LMNTD1: variants seen among roughly 807,000 people sequenced by gnomAD.
LMNTD1 encodes lamin tail domain-containing protein 1.
In LMNTD1, 35 loss-of-function variants were observed where a neutral mutation model predicts 50.9. The ratio of observed to expected loss-of-function variants is 0.69; its 90% CI spans 0.53 to 0.91. The LOEUF (loss-of-function observed/expected upper bound fraction) is 0.91, where lower values mean the gene tolerates loss of function less well. LMNTD1 is among the 40% of genes least tolerant of loss of function. The pLI, the probability that LMNTD1 is intolerant of heterozygous loss-of-function variation, is 0.00. For missense variants in LMNTD1, 470 were observed against 475.5 expected (o/e 0.99, Z 0.11); for synonymous variants, 153 against 161.9 (o/e 0.94, Z 0.42).
chr12:25,550,490 G>T (rs1943684499), intron 2 of LMNTD1, among the ~76,000 whole-genome samples: 2 of 152,120 alleles, frequency 1.3e-5, no homozygotes, highest in African/African-American at 4.8e-5. Flanking sequence ...TGAGACAAAT[G>T]GCCAGTTCAG....
intron 9 of LMNTD1, among the ~76,000 whole-genome samples, chr12:25,492,837 A>AG (rs1341370003): frequency 2.0e-5 from 3 of 152,310 alleles, no homozygotes; most frequent in Admixed American, 6.5e-5. Context: ...AACTTATGGG[A>AG]GCATGTTCAA....
intron 1 of LMNTD1, among the ~76,000 whole-genome samples, chr12:25,630,982 C>T (rs1485897827): frequency 6.6e-6 from 1 of 152,180 alleles, no homozygotes; most frequent in East Asian, 1.9e-4. Context: ...GGGAGTGAGA[C>T]CAGCCCTTCA....
chr12:25,619,217 ACTCTCTCT>A (rs143233739), intron 1 of LMNTD1, among the ~76,000 whole-genome samples: 7,498 of 120,012 alleles, frequency 0.062, 355 homozygotes, highest in African/African-American at 0.097. Flanking sequence ...ATGCTTTTCA[ACTCTCTCT>A]CTCTCTCTCT....
At chr12:25,601,414 T>C (rs898008553) in intron 1 of LMNTD1, among the ~76,000 whole-genome samples, 4 of 151,914 alleles carry the variant, frequency 2.6e-5, no homozygotes, top group African/African-American at 9.7e-5. Flanking sequence ...ATGGGGTGAC[T>C]ATAGTCAATA....
At chr12:25,642,401 T>G (rs1946974239) in intron 1 of LMNTD1, among the ~76,000 whole-genome samples, 1 of 152,150 alleles carries the variant, frequency 6.6e-6, no homozygotes, top group African/African-American at 2.4e-5. Context: ...GAGGATCTCA[T>G]GAGAAGACAG....
intron 9 of LMNTD1, among the ~76,000 whole-genome samples, chr12:25,501,206 C>G (rs1824925): frequency 0.26 from 39,621 of 151,876 alleles, 5,405 homozygotes; most frequent in Middle Eastern, 0.34. Context: ...GACCAGGCTG[C>G]CTTTGAACTC....
At chr12:25,592,020 C>T (rs1286543671) in intron 1 of LMNTD1, among the ~76,000 whole-genome samples, 6 of 152,148 alleles carry the variant, frequency 3.9e-5, no homozygotes, top group African/African-American at 1.4e-4. Flanking sequence ...GCAGATACAA[C>T]TTAAATTATA....
intron 1 of LMNTD1, among the ~76,000 whole-genome samples, chr12:25,564,629 A>G (rs1944478109): frequency 6.6e-6 from 1 of 152,024 alleles, no homozygotes; most frequent in African/African-American, 2.4e-5. Flanking sequence ...ATGTTTTAAG[A>G]TTTGTTTTGT....
At chr12:25,487,526 G>A (rs1264923339) in intron 9 of LMNTD1, among the ~76,000 whole-genome samples, 2 of 143,158 alleles carry the variant, frequency 1.4e-5, no homozygotes, top group Non-Finnish European at 3.0e-5. Flanking sequence ...GCATATGTGT[G>A]TCTCTGCACG....
chr12:25,523,721 A>T (rs1221791206), intron 6 of LMNTD1, among the ~76,000 whole-genome samples: 1 of 151,872 alleles, frequency 6.6e-6, no homozygotes, highest in Non-Finnish European at 1.5e-5. Flanking sequence ...TTAAAGTCAC[A>T]TTTCCACCTA....
intron 1 of LMNTD1, among the ~76,000 whole-genome samples, chr12:25,621,945 G>A (rs964969623): frequency 1.1e-4 from 16 of 152,234 alleles, no homozygotes; most frequent in African/African-American, 2.7e-4. Flanking sequence ...CCTGGCTGCT[G>A]TTAGAACAAT....
intron 1 of LMNTD1, among the ~76,000 whole-genome samples, chr12:25,579,386 A>G (rs1394866477): frequency 1.3e-5 from 2 of 152,262 alleles, no homozygotes; most frequent in Middle Eastern, 3.4e-3. Context: ...TACAGGTGGT[A>G]TGTGTAGGTT....
chr12:25,619,252 C>CTATATATATA lies in LMNTD1; in HGVS notation c.58+29232_58+29241dup, dbSNP rs71450756. Among the ~76,000 whole-genome samples the CTATATATATA allele has an allele frequency of 4.7e-4, 40 of 84,414 alleles. 1 individual carries two copies. The highest frequency in any genetic ancestry group is 3.2e-3 in the South Asian group (8 of 2,462). The allele number at this position is 84,414 out of a possible 152,430, so 55.4% of individuals were successfully genotyped here. A position where few individuals can be genotyped will look rare whatever the true frequency, so the allele number is the denominator to read the frequency against. On this transcript the variant is annotated intron_variant, in intron 1 of 7. Transcript: ENST00000445693. ...TCTCTCTCTCTCTCTCTCTCTCTCTCTATATATATATATATATATATATAT... is the reference window on the plus strand; with the variant it reads ...TCTCTCTCTCTCTCTCTCTCTCTCTCTATATATATATATATATATATATATATATATATAT...
chr12:25,554,518 T>G (rs1389298654), upstream of LMNTD1, among the ~76,000 whole-genome samples: 2 of 152,216 alleles, frequency 1.3e-5, no homozygotes, highest in African/African-American at 4.8e-5. Context: ...AAAACCAATT[T>G]CCTCTTTTGT....
chr12:25,498,791 T>TG (rs1350840440), intron 9 of LMNTD1, among the ~76,000 whole-genome samples: 1 of 152,214 alleles, frequency 6.6e-6, no homozygotes, highest in Non-Finnish European at 1.5e-5. Flanking sequence ...ACTATTTTCT[T>TG]GCTTGCTTGC....
intron 9 of LMNTD1, among the ~76,000 whole-genome samples, chr12:25,489,313 T>C (rs1353319694): frequency 6.6e-6 from 1 of 150,524 alleles, no homozygotes; most frequent in Non-Finnish European, 1.5e-5. Context: ...GAGCCAGGTG[T>C]GGGATATAGT....
At chr12:25,535,217 G>C (rs1041375497) in intron 4 of LMNTD1, among the ~76,000 whole-genome samples, 4 of 152,106 alleles carry the variant, frequency 2.6e-5, no homozygotes, top group Admixed American at 2.0e-4. Context: ...CAGGTGAAAA[G>C]ATCAGTGAAC....
At chr12:25,511,630 T>C (rs925026773) in intron 8 of LMNTD1, among the ~76,000 whole-genome samples, 3 of 152,222 alleles carry the variant, frequency 2.0e-5, no homozygotes, top group East Asian at 3.8e-4. Flanking sequence ...AACACAGATC[T>C]AACTATATGA....
chr12:25,489,663 C>A (rs546786675), intron 9 of LMNTD1, among the ~76,000 whole-genome samples: 1 of 151,980 alleles, frequency 6.6e-6, no homozygotes, highest in African/African-American at 2.4e-5. Flanking sequence ...CTCTCAGTCC[C>A]CAATAGCCAT....
Sources: gnomAD v4.1 joint callset for allele counts (sites outside exome capture counted in the v4.1 genomes callset) on GRCh38, gnomAD v4.1.1 for gene constraint, MANE v1.5 for transcripts, NCBI Gene and HGNC (gene_info 2026-07-23, HGNC 2026-07-21) for gene names.